Variants in ZNF70 observed in about 807,000 individuals in gnomAD.
ZNF70 encodes the protein zinc finger protein N27C7-1.
ZNF70 carries 18 observed loss-of-function variants against 37.7 expected under a neutral mutation model. The ratio of observed to expected loss-of-function variants is 0.48; its 90% CI spans 0.33 to 0.71. ZNF70 has a LOEUF of 0.71. Among genes scored for constraint, ZNF70 ranks in the 30% least tolerant of loss-of-function variants. The probability of loss-of-function intolerance (pLI) is 0.02; values close to 1 mark genes in which losing one functional copy is unlikely to be tolerated. For synonymous variants in ZNF70, 219 were observed against 220.1 expected (o/e 0.99, Z 0.05); for missense variants, 506 against 568.6 (o/e 0.89, Z 1.12).
rs770887620 is a variant in ZNF70, at chr22:23,743,758, C to G, written c.*42G>C. The G allele has an allele frequency of 2.5e-6, 4 of 1,575,776 alleles. No individual in the cohort carries two copies. The African/African-American group carries it at 5.5e-5, about 22-fold the overall frequency. ...GACCACGCGACGTGGAATAAAGGCT[C>G]CATCTGGCACAGGCTTTCAAGCTTT... On this transcript the variant is annotated 3_prime_UTR_variant, in exon 2 of 2. Transcript: ENST00000341976.
chr22:23,746,675 C>G (rs999972498), intron 1 of ZNF70, among the ~76,000 whole-genome samples: 4 of 152,146 alleles, frequency 2.6e-5, no homozygotes, highest in Non-Finnish European at 4.4e-5. Context: ...TCACTGCAAC[C>G]TCTGCCTCCC....
At position 23,745,562 on chromosome 22, in the gene ZNF70, G is replaced by A. The variant is rs150044787; in HGVS notation, c.-79-343C>T. On this transcript the variant is annotated intron_variant, in intron 1 of 1. Coordinates refer to ENST00000341976, the MANE Select transcript of ZNF70 (RefSeq NM_021916.4). ...AGGCAGGCAGATCACTTGAGGTCAG[G>A]AGTTCAAAACCAGCCTGGTCACATG... is the stretch of plus-strand genomic sequence containing the variant. Among the ~76,000 whole-genome samples, 323 of 152,166 alleles carry A rather than the reference G, an allele frequency of 2.1e-3. 1 individual carries two copies. The highest frequency in any genetic ancestry group is 7.5e-3 in the African/African-American group (312 of 41,514).
At position 23,744,273 on chromosome 22, in the gene ZNF70, A is replaced by G. The variant is rs747995944; in HGVS notation, c.868T>C (p.Cys290Arg). 1.2e-6 allele frequency: 2 copies of G among 1,612,664 alleles called. No individual in the cohort carries two copies. The highest frequency in any genetic ancestry group is 1.7e-6 in the Non-Finnish European group (2 of 1,179,644). ...TGTCGGATGAGGTGTGACCTGTGAC[A>G]AAAGGCTTTCCCACAGAGATCGCAC... ...HECDLCGKAF[C>R]HRSHLIRHQR... Residue 290 changes from cysteine to arginine, a missense_variant, in exon 2 of 2, where the codon TGT becomes CGT. Transcript: ENST00000341976.
rs1924793430 is a variant in ZNF70, at chr22:23,738,779, A to G, written c.*5021T>C. The G allele has an allele frequency of 6.6e-6, 1 of 152,242 alleles. No homozygotes were observed. Among genetic ancestry groups the G allele is most frequent in the Non-Finnish European group, 1.5e-5 (1 of 68,046 alleles). The allele number at this position is 152,242 out of a possible 1,614,324, so 9.4% of individuals were successfully genotyped here. Reference sequence around the variant, plus strand: ...TGCACAACATAGCGACAATACACATACAGAAATTAAAAGTGAAACAGGAAT... The same window carrying G: ...TGCACAACATAGCGACAATACACATGCAGAAATTAAAAGTGAAACAGGAAT... On this transcript the variant is annotated 3_prime_UTR_variant, in exon 2 of 2. Coordinates refer to ENST00000341976, the MANE Select transcript of ZNF70 (RefSeq NM_021916.4).
chr22:23,749,881 T>G (rs149176461), intron 1 of ZNF70, among the ~76,000 whole-genome samples: 2 of 152,136 alleles, frequency 1.3e-5, no homozygotes, highest in African/African-American at 4.8e-5. Flanking sequence ...TTTACTGTAG[T>G]TCTCCTTTTC....
In ZNF70 at chr22:23,743,399, G is replaced by A. The variant is rs1296514676; in HGVS notation, c.*401C>T. ...TGTCTTCTAAAAGTGCCAGACTGCA[G>A]CCTGTTTTAAAGAGTTCTTCTGATA... On this transcript the variant is annotated 3_prime_UTR_variant, in exon 2 of 2. Transcript: ENST00000341976. The A allele has an allele frequency of 5.4e-6, 1 of 183,814 alleles. No homozygotes were observed. Among genetic ancestry groups the A allele is most frequent in the South Asian group, 1.4e-4 (1 of 7,184 alleles). The allele number at this position is 183,814 out of a possible 1,614,324, so 11.4% of individuals were successfully genotyped here.
intron 1 of ZNF70, among the ~76,000 whole-genome samples, chr22:23,745,556 G>A (rs1925093275): frequency 6.6e-6 from 1 of 152,082 alleles, no homozygotes; most frequent in South Asian, 2.1e-4. Flanking sequence ...GATCACTTGA[G>A]GTCAGGAGTT....
chr22:23,749,189 C>T (rs1274314356), intron 1 of ZNF70, among the ~76,000 whole-genome samples: 7 of 151,384 alleles, frequency 4.6e-5, no homozygotes, highest in Admixed American at 4.6e-4. Flanking sequence ...GGTGAAACCC[C>T]GTCTCTACTA....
At chr22:23,746,181 A>C (rs553782751) in intron 1 of ZNF70, among the ~76,000 whole-genome samples, 20 of 148,958 alleles carry the variant, frequency 1.3e-4, no homozygotes, top group Non-Finnish European at 2.4e-4. Context: ...CCAAAACATA[A>C]GCCTGATTAT....
rs1924839665 is a variant in ZNF70 at position 23,740,448 on chromosome 22, G to A, written c.*3352C>T. 2.0e-5 allele frequency: 3 copies of A among 151,956 alleles called. No individual in the cohort carries two copies. The highest frequency in any genetic ancestry group is 7.2e-5 in the African/African-American group (3 of 41,394). The allele number at this position is 151,956 out of a possible 1,614,324, so 9.4% of individuals were successfully genotyped here. Reference sequence around the variant, plus strand: ...CACTGTTTGAGAATCTAAATAGAATGAGAGAGTTTAAAAAAAAAAATCTAA... The same window carrying A: ...CACTGTTTGAGAATCTAAATAGAATAAGAGAGTTTAAAAAAAAAAATCTAA... On this transcript the variant is annotated 3_prime_UTR_variant, in exon 2 of 2. Coordinates refer to ENST00000341976, the MANE Select transcript of ZNF70 (RefSeq NM_021916.4).
chr22:23,746,388 G>A (rs1925124721), intron 1 of ZNF70, among the ~76,000 whole-genome samples: 1 of 151,466 alleles, frequency 6.6e-6, no homozygotes, highest in Non-Finnish European at 1.5e-5. Context: ...TGTATTTTTA[G>A]TAGAGACCGG....
In ZNF70 at chr22:23,743,991, T is replaced by C; in HGVS notation, c.1150A>G (p.Arg384Gly). Residue 384 changes from arginine to glycine, a missense_variant, in exon 2 of 2, where the codon AGA (arginine) becomes GGA (glycine). Transcript: ENST00000341976. ...TAGGGCTTCTTGCCGGTGTGGATTCTCTGGTGCTGGATCAGCGCAGAGCTG... is the reference window on the plus strand; with the variant it reads ...TAGGGCTTCTTGCCGGTGTGGATTCCCTGGTGCTGGATCAGCGCAGAGCTG... The part of the protein sequence containing the change: ...CHSSALIQHQ[R>G]IHTGKKPYTC... 6.2e-7 allele frequency: 1 copy of C among 1,614,224 alleles called. No homozygotes were observed.
At chr22:23,747,441 C>T (rs922257203) in intron 1 of ZNF70, among the ~76,000 whole-genome samples, 6 of 152,200 alleles carry the variant, frequency 3.9e-5, no homozygotes, top group Admixed American at 3.9e-4. Context: ...AACCATCCCC[C>T]ATGTCCCCCA....
intron 1 of ZNF70, among the ~76,000 whole-genome samples, chr22:23,746,968 G>T (rs1276353546): frequency 6.6e-6 from 1 of 152,034 alleles, no homozygotes; most frequent in Non-Finnish European, 1.5e-5. Flanking sequence ...GACCATCTCA[G>T]GCCCCCATCG....
chr22:23,746,576 T>C (rs970287275), intron 1 of ZNF70, among the ~76,000 whole-genome samples: 16 of 151,926 alleles, frequency 1.1e-4, no homozygotes, highest in African/African-American at 3.4e-4. Context: ...ATCCATCTCC[T>C]GTCTGTCTGC....
rs748381145 is a variant in ZNF70 at position 23,744,524 on chromosome 22, C to A, written c.617G>T (p.Arg206Leu). ...YECRECGKAF[R>L]QSSALTQHQK... ...GTGTTGCGTGAGGGCTGAGCTCTGG[C>A]GGAAGGCCTTCCCACACTCCCGGCA... Residue 206 changes from arginine to leucine, a missense_variant, in exon 2 of 2, where the codon CGC becomes CTC. Transcript: ENST00000341976. The A allele has an allele frequency of 1.2e-6, 2 of 1,613,870 alleles. No individual in the cohort carries two copies. Among genetic ancestry groups the A allele is most frequent in the East Asian group, 4.5e-5 (2 of 44,850 alleles).
chr22:23,748,904 A>G (rs1461839843), intron 1 of ZNF70, among the ~76,000 whole-genome samples: 3 of 151,296 alleles, frequency 2.0e-5, no homozygotes, highest in Non-Finnish European at 4.4e-5. Flanking sequence ...TAAAAAAAAA[A>G]GAGCACTGAA....
chr22:23,739,899 C>T lies in ZNF70; in HGVS notation c.*3901G>A, dbSNP rs73394791. Reference sequence around the variant, plus strand: ...GGTGTGAGTCACCATGCCCGGCCCACTTAGAAATATTTTTAAATAATAACA... The same window carrying T: ...GGTGTGAGTCACCATGCCCGGCCCATTTAGAAATATTTTTAAATAATAACA... On this transcript the variant is annotated 3_prime_UTR_variant, in exon 2 of 2. Transcript: ENST00000341976. 18,318 of 151,746 alleles carry T rather than the reference C, an allele frequency of 0.12. 1,341 individuals carry two copies. The highest frequency in any genetic ancestry group is 0.19 in the Middle Eastern group (55 of 294). 9.4% of individuals were successfully genotyped at this position (151,746 alleles called of 1,614,324 possible).
Position 23,743,769 on chromosome 22 carries a change from A to G in ZNF70, c.*31T>C, listed in dbSNP as rs1924964846. On this transcript the variant is annotated 3_prime_UTR_variant, in exon 2 of 2. Coordinates refer to ENST00000341976, the MANE Select transcript of ZNF70 (RefSeq NM_021916.4). ...GTGGAATAAAGGCTCCATCTGGCAC[A>G]GGCTTTCAAGCTTTGTGTGGGCTCC... The G allele has an allele frequency of 6.3e-7, 1 of 1,590,708 alleles. No individual in the cohort carries two copies. Among genetic ancestry groups the G allele is most frequent in the Non-Finnish European group, 8.6e-7 (1 of 1,169,094 alleles).
Sources: allele counts gnomAD v4.1 joint callset (sites outside exome capture counted in the v4.1 genomes callset), GRCh38; gene constraint gnomAD v4.1.1; transcripts MANE v1.5; gene names NCBI Gene and HGNC (gene_info 2026-07-23, HGNC 2026-07-21).